The following SLC6A15 variants were observed in gnomAD, a reference collection of about 807,000 sequenced individuals.
SLC6A15 encodes solute carrier family 6 member 15, also known as sodium-dependent neutral amino acid transporter B(0)AT2.
Under a neutral mutation model 68.5 loss-of-function variants are expected in SLC6A15, and 33 were observed. The observed-to-expected ratio is 0.48, with a 90% CI of 0.37 to 0.64. SLC6A15 has a LOEUF of 0.64. SLC6A15 is among the 30% of genes least tolerant of loss of function. SLC6A15 has a pLI of 0.00. For synonymous variants in SLC6A15, 347 were observed against 301.0 expected, an observed-to-expected ratio of 1.15 and a Z score of -1.58; for missense variants, 747 against 874.3, an observed-to-expected ratio of 0.85 and a Z score of 1.84.
intron 4 of SLC6A15, among the ~76,000 whole-genome samples, chr12:84,885,092 T>C (rs1298000418): frequency 1.3e-5 from 2 of 152,038 alleles, no homozygotes; most frequent in Non-Finnish European, 2.9e-5. Context: ...TTCATTCAAA[T>C]TCTTATTTCT....
intron 1 of SLC6A15, among the ~76,000 whole-genome samples, chr12:84,911,681 G>C (rs542988026): frequency 6.6e-6 from 1 of 152,140 alleles, no homozygotes; most frequent in African/African-American, 2.4e-5. Context: ...GGTGCGCTAC[G>C]TTAGAGTGCA....
chr12:84,862,064 A>G, intron 11 of SLC6A15, 58 bp from the exon 12 acceptor site: 1 of 1,468,854 alleles, frequency 6.8e-7, no homozygotes, highest in Non-Finnish European at 9.1e-7. Context: ...ACATACATAA[A>G]ATATTGTACT....
At chr12:84,866,024 T>C (rs1053575778) in intron 10 of SLC6A15, among the ~76,000 whole-genome samples, 1 of 152,226 alleles carries the variant, frequency 6.6e-6, no homozygotes, top group Non-Finnish European at 1.5e-5. Context: ...TTATTAAATG[T>C]AAGTTCTCCT....
At chr12:84,911,641 GCGT>G (rs1410231292) in intron 1 of SLC6A15, among the ~76,000 whole-genome samples, 1 of 152,310 alleles carries the variant, frequency 6.6e-6, no homozygotes, top group East Asian at 1.9e-4. Context: ...AACGCCTCGG[GCGT>G]CTTGATTCAT....
rs1231502438 is a variant in SLC6A15 at position 84,873,225 on chromosome 12, T to C, written c.971A>G (p.Asn324Ser). Residue 324 changes from asparagine to serine, a missense_variant, in exon 7 of 12, where the codon AAC becomes AGC. Transcript: ENST00000266682. ...AAAGTGGCAGTTGTTGTCTCTCTTG[T>C]TGTAGCTTGAAAAGGCAATGACACC... ...FGGVIAFSSY[N>S]KRDNNCHFDA... is the part of the protein sequence containing the mutation. 1.2e-6 allele frequency: 2 copies of C among 1,614,070 alleles called. No individual in the cohort carries two copies. The highest frequency in any genetic ancestry group is 1.7e-6 in the Non-Finnish European group (2 of 1,179,984).
At chr12:84,874,259 C>G (rs566403927) in intron 6 of SLC6A15, among the ~76,000 whole-genome samples, 4,944 of 152,190 alleles carry the variant, frequency 0.032, 260 homozygotes, top group African/African-American at 0.11. Flanking sequence ...AATGGCGTGT[C>G]CTCTCTGAGT....
At chr12:84,863,166 C>A (rs964601432) in intron 11 of SLC6A15, among the ~76,000 whole-genome samples, 1 of 152,128 alleles carries the variant, frequency 6.6e-6, no homozygotes, top group Admixed American at 6.6e-5. Context: ...GAGTCAAAGG[C>A]CCAATAATTA....
chr12:84,901,274 C>T (rs1290687956), intron 1 of SLC6A15, among the ~76,000 whole-genome samples: 1 of 151,566 alleles, frequency 6.6e-6, no homozygotes, highest in Non-Finnish European at 1.5e-5. Context: ...ATTAAAAATT[C>T]AATTCATTTC....
intron 5 of SLC6A15, chr12:84,881,826 T>G (rs1871834862): frequency 1.0e-6 from 1 of 981,200 alleles, no homozygotes; most frequent in Admixed American, 6.2e-5. Flanking sequence ...TGTTATTATA[T>G]TTAACTCATT....
At chr12:84,904,224 G>GGAGAGAGAGA (rs370457657) in intron 1 of SLC6A15, among the ~76,000 whole-genome samples, 2,217 of 121,888 alleles carry the variant, frequency 0.018, 29 homozygotes, top group Middle Eastern at 0.039. Context: ...GGGCGGAGGG[G>GGAGAGAGAGA]GAGAGAGAGA....
intron 1 of SLC6A15, among the ~76,000 whole-genome samples, chr12:84,901,789 A>T (rs1231331770): frequency 1.3e-5 from 2 of 151,882 alleles, no homozygotes; most frequent in African/African-American, 4.8e-5. Context: ...GAACACTAGT[A>T]AATTATCTCC....
At position 84,885,940 on chromosome 12, in the gene SLC6A15, G is replaced by A. The variant is rs752351193; in HGVS notation, c.418C>T (p.Leu140=). Residue 140 remains leucine, a synonymous_variant, in exon 3 of 12, where the codon CTG becomes TTG. Transcript: ENST00000266682. ...CAACTTGCAAATCCAATCCCGCCCA[G>A]TTTAGGGCTTATGTAATTCCATACA... ...IGVWNYISPK[L]GGIGFASCVV... The A allele has an allele frequency of 1.1e-5, 18 of 1,611,808 alleles. 1 individual carries two copies. The South Asian group carries it at 1.9e-4, about 17-fold the overall frequency.
chr12:84,861,503 G>T lies in SLC6A15; in HGVS notation c.*129C>A. 9.7e-7 allele frequency: 1 copy of T among 1,033,048 alleles called. No individual in the cohort carries two copies. Among genetic ancestry groups the T allele is most frequent in the Non-Finnish European group, 1.4e-6 (1 of 706,606 alleles). 64.0% of individuals were successfully genotyped at this position (1,033,048 alleles called of 1,614,324 possible). A position where few individuals can be genotyped will look rare whatever the true frequency, so the allele number is the denominator to read the frequency against. Reference sequence around the variant, plus strand: ...CAAGTTGAACTGACATATACTGTTAGGATTAAAGATCACAGCCACGGAACA... The same window carrying T: ...CAAGTTGAACTGACATATACTGTTATGATTAAAGATCACAGCCACGGAACA... On this transcript the variant is annotated 3_prime_UTR_variant, in exon 12 of 12. Transcript: ENST00000266682.
intron 2 of SLC6A15, among the ~76,000 whole-genome samples, chr12:84,888,417 A>C (rs1003423549): frequency 1.2e-4 from 19 of 152,204 alleles, no homozygotes; most frequent in Non-Finnish European, 1.5e-4. Flanking sequence ...TGCACCACAG[A>C]ATACTACTCA....
chr12:84,883,825 T>C (rs781078199), intron 5 of SLC6A15, 34 bp downstream of exon 5: 1 of 1,614,012 alleles, frequency 6.2e-7, no homozygotes, highest in East Asian at 2.2e-5. Context: ...GAAATGGTGA[T>C]TAGCAGAATG....
In SLC6A15 at chr12:84,879,552, G is replaced by A. The variant is rs139738100; in HGVS notation, c.757-2945C>T. 7.4e-3 allele frequency among the ~76,000 whole-genome samples: 1,125 copies of A among 151,658 alleles called. 15 individuals carry two copies. Among genetic ancestry groups the A allele is most frequent in the African/African-American group, 0.026 (1,069 of 41,450 alleles). On this transcript the variant is annotated intron_variant, in intron 5 of 11. Coordinates refer to ENST00000266682, the MANE Select transcript of SLC6A15 (RefSeq NM_182767.6). ...TTTTGCCCAGGCTGGTCTCAAACTT[G>A]TGAGCTCAGGCAATCCACCCGCCTC...
At chr12:84,908,207 C>G (rs74870715) in intron 1 of SLC6A15, among the ~76,000 whole-genome samples, 6,078 of 152,134 alleles carry the variant, frequency 0.04, 377 homozygotes, top group African/African-American at 0.13. Flanking sequence ...CTCACAAGAA[C>G]TCTCTGTGTT....
At chr12:84,867,819 A>G (rs1871123887) in intron 9 of SLC6A15, 1 of 152,204 alleles carries the variant, frequency 6.6e-6, no homozygotes, top group Non-Finnish European at 1.5e-5. Flanking sequence ...GATCATCCAC[A>G]TAACATCTAA....
At chr12:84,869,687 C>T (rs1353219675) in intron 9 of SLC6A15, among the ~76,000 whole-genome samples, 1 of 152,014 alleles carries the variant, frequency 6.6e-6, no homozygotes, top group Admixed American at 6.6e-5. Context: ...CTTTCCAATT[C>T]AACTTTCATC....
Sources: allele counts gnomAD v4.1 joint callset (sites outside exome capture counted in the v4.1 genomes callset), GRCh38; gene constraint gnomAD v4.1.1; transcripts MANE v1.5; gene names NCBI Gene and HGNC (gene_info 2026-07-23, HGNC 2026-07-21).